Variants in BMF observed in about 807,000 individuals in gnomAD.
BMF encodes bcl-2-modifying factor.
BMF carries 10 observed loss-of-function variants against 22.0 expected under a neutral mutation model. The observed-to-expected ratio is 0.45, with a 90% CI of 0.28 to 0.77. The LOEUF (loss-of-function observed/expected upper bound fraction) is 0.77. Ranked by LOEUF, BMF falls within the 30% of genes least tolerant of loss-of-function variation. BMF has a pLI of 0.13. For missense variants in BMF, 206 were observed against 226.8 expected (o/e 0.91, Z 0.59); for synonymous variants, 87 against 88.1 (o/e 0.99, Z 0.07).
intron 4 of BMF, among the ~76,000 whole-genome samples, chr15:40,095,688 C>T (rs1453226934): frequency 6.6e-6 from 1 of 152,116 alleles, no homozygotes; most frequent in Non-Finnish European, 1.5e-5. Flanking sequence ...ACCCTAGAGC[C>T]CTCGGACTCA....
chr15:40,094,622 G>C (rs753512027), intron 4 of BMF, among the ~76,000 whole-genome samples: 2 of 152,196 alleles, frequency 1.3e-5, no homozygotes, highest in Non-Finnish European at 2.9e-5. Context: ...CACTAAGCCA[G>C]CTGAGGTGCT....
intron 4 of BMF, 59 bp downstream of exon 4, chr15:40,104,121 G>C (rs2036535521): frequency 6.3e-7 from 1 of 1,597,040 alleles, no homozygotes; most frequent in Non-Finnish European, 8.6e-7. Flanking sequence ...GAGAGAGGCA[G>C]GCCCTGGCCC....
At chr15:40,103,343 T>C (rs1048993114) in intron 4 of BMF, among the ~76,000 whole-genome samples, 84 of 152,144 alleles carry the variant, frequency 5.5e-4, no homozygotes, top group African/African-American at 2.0e-3. Context: ...CAGGCTCCTC[T>C]CCCAGCCTTG....
In BMF at chr15:40,104,197, G is replaced by A. The variant is rs375576342; in HGVS notation, c.436C>T (p.Arg146Trp). ...GTGCCTACTTGCTGCACATGAAGCC[G>A]GTGGAACTGGTCTGCAATGCACTGA... Reference protein sequence around the residue: ...KLQCIADQFHRLHVQQHQQNQ... With the variant: ...KLQCIADQFHWLHVQQHQQNQ... The change falls in exon 4 of 5, where the codon CGG becomes TGG. Residue 146 changes from arginine to tryptophan, a missense_variant. Arg to Trp is a moderately radical substitution (Grantham distance 101). Transcript: ENST00000354670. The A allele has an allele frequency of 7.4e-6, 12 of 1,614,048 alleles. No individual in the cohort carries two copies. The highest frequency in any genetic ancestry group is 3.3e-5 in the South Asian group (3 of 91,086).
Position 40,105,967 on chromosome 15 carries a change from C to T in BMF, c.120G>A (p.Leu40=). The change falls in exon 3 of 5, where the codon CTG becomes CTA. Residue 40 remains leucine (L), a synonymous_variant. Coordinates refer to ENST00000354670, the MANE Select transcript of BMF (RefSeq NM_001003940.2). ...LSADLFAQSL[L]DCPLSRLQLF... ...GCTGAAGTCGGCTGAGGGGGCAGTC[C>T]AGTAGGCTCTGGGCAAACAGGTCAG... 6.2e-7 allele frequency: 1 copy of T among 1,614,112 alleles called. No individual in the cohort carries two copies. Among genetic ancestry groups the T allele is most frequent in the Non-Finnish European group, 8.5e-7 (1 of 1,180,028 alleles).
chr15:40,091,536 C>T lies in BMF; in HGVS notation c.*251G>A. ...TTGTCAGAGCCCTTGGGAATTCTCA[C>T]CATCACAGACACATCAGCCTCTCCT... is the stretch of plus-strand genomic sequence containing the variant. On this transcript the variant is annotated 3_prime_UTR_variant, in exon 5 of 5. Transcript: ENST00000354670. 2.5e-6 allele frequency: 1 copy of T among 401,124 alleles called. No individual in the cohort carries two copies. The highest frequency in any genetic ancestry group is 3.7e-5 in the East Asian group (1 of 26,784). The allele number at this position is 401,124 out of a possible 1,614,324, so 24.8% of individuals were successfully genotyped here.
At chr15:40,105,053 C>T (rs2036557251) in intron 3 of BMF, among the ~76,000 whole-genome samples, 1 of 152,204 alleles carries the variant, frequency 6.6e-6, no homozygotes, top group Admixed American at 6.5e-5. Flanking sequence ...GCCAGAACTG[C>T]TTTGCCAGAA....
Position 40,091,654 on chromosome 15 carries a change from GA to G in BMF, c.*132del, listed in dbSNP as rs1009929404. 7.2e-6 allele frequency: 5 copies of G among 698,422 alleles called. No individual in the cohort carries two copies. The highest frequency in any genetic ancestry group is 9.7e-6 in the Non-Finnish European group (4 of 414,334). 43.3% of individuals were successfully genotyped at this position (698,422 alleles called of 1,614,324 possible). ...AGTATGTTGTATGTACACTCAGAGA[GA>G]AATTAAAAAAAATTAAAACACAAAA... On this transcript the variant is annotated 3_prime_UTR_variant, in exon 5 of 5. Coordinates refer to ENST00000354670, the MANE Select transcript of BMF (RefSeq NM_001003940.2).
chr15:40,091,777 C>T lies in BMF; in HGVS notation c.*10G>A, dbSNP rs1238916668. ...TTCCTGGTGCCCCATGTGAAGAGGG[C>T]AGCCCACCCTCACCTAGGGCCTGCC... On this transcript the variant is annotated 3_prime_UTR_variant, in exon 5 of 5. Coordinates refer to ENST00000354670, the MANE Select transcript of BMF (RefSeq NM_001003940.2). The T allele has an allele frequency of 1.3e-6, 2 of 1,594,470 alleles. No individual in the cohort carries two copies. The highest frequency in any genetic ancestry group is 1.7e-6 in the Non-Finnish European group (2 of 1,168,722).
At chr15:40,101,674 A>C (rs1026664657) in intron 4 of BMF, among the ~76,000 whole-genome samples, 7 of 152,226 alleles carry the variant, frequency 4.6e-5, no homozygotes, top group Non-Finnish European at 8.8e-5. Flanking sequence ...CCAGCTGCTG[A>C]AACGTTCCAG....
At position 40,106,541 on chromosome 15, in the gene BMF, CACACACACACAT is replaced by C. The variant is rs749363273; in HGVS notation, c.-5-462_-5-451del. 9,118 of 152,580 alleles carry C rather than the reference CACACACACACAT, an allele frequency of 0.06. 926 individuals are homozygous for C. The highest frequency in any genetic ancestry group is 0.21 in the African/African-American group (8,577 of 40,952). 9.5% of individuals were successfully genotyped at this position (152,580 alleles called of 1,614,324 possible). A position where few individuals can be genotyped will look rare whatever the true frequency, so the allele number is the denominator to read the frequency against. On this transcript the variant is annotated intron_variant, in intron 2 of 4. Coordinates refer to ENST00000354670, the MANE Select transcript of BMF (RefSeq NM_001003940.2). This position sits in a 1 kb window ranked among gnomAD's most constrained non-coding sequence, Gnocchi z 4.1. ...CAACACACACACACACACACACACA[CACACACACACAT>C]ACAGAGTCATTGTCCCAAGGAAATT...
intron 4 of BMF, among the ~76,000 whole-genome samples, chr15:40,093,656 C>A (rs1332204979): frequency 1.3e-5 from 2 of 152,184 alleles, no homozygotes; most frequent in Non-Finnish European, 2.9e-5. Flanking sequence ...CAGGAGCAGA[C>A]TCATCCCTGG....
At chr15:40,104,373 C>T in intron 3 of BMF, 33 bp from the exon 4 acceptor site, 1 of 1,610,792 alleles carries the variant, frequency 6.2e-7, no homozygotes, top group Non-Finnish European at 8.5e-7. Flanking sequence ...TCTCAGCATT[C>T]TCCACAACTG....
At chr15:40,099,571 G>A (rs1327210313) in intron 4 of BMF, among the ~76,000 whole-genome samples, 2 of 152,044 alleles carry the variant, frequency 1.3e-5, no homozygotes, top group Admixed American at 6.5e-5. Context: ...CTGAGGTCGC[G>A]AGTTCAAGAC....
Position 40,091,675 on chromosome 15 carries a change from A to G in BMF, c.*112T>C. On this transcript the variant is annotated 3_prime_UTR_variant, in exon 5 of 5. Transcript: ENST00000354670. ...GAGAGAAATTAAAAAAAATTAAAAC[A>G]CAAAATAACAACAAAAAAACAATTT... The G allele has an allele frequency of 1.2e-6, 1 of 808,244 alleles. No individual in the cohort carries two copies. Among genetic ancestry groups the G allele is most frequent in the Non-Finnish European group, 2.0e-6 (1 of 507,024 alleles). The allele number at this position is 808,244 out of a possible 1,614,324, so 50.1% of individuals were successfully genotyped here.
chr15:40,092,342 T>C (rs1426996280), intron 4 of BMF, among the ~76,000 whole-genome samples: 1 of 152,170 alleles, frequency 6.6e-6, no homozygotes, highest in African/African-American at 2.4e-5. Context: ...GGCCTCCATC[T>C]GCAAGTGATT....
chr15:40,102,153 G>T (rs2036488888), intron 4 of BMF, among the ~76,000 whole-genome samples: 1 of 152,202 alleles, frequency 6.6e-6, no homozygotes, highest in Admixed American at 6.5e-5. Context: ...GGCAAGGCAG[G>T]CGCAGTGGCT....
chr15:40,099,926 C>T (rs1301523063), intron 4 of BMF, among the ~76,000 whole-genome samples: 1 of 152,008 alleles, frequency 6.6e-6, no homozygotes, highest in Admixed American at 6.5e-5. Flanking sequence ...AAGATGGTTT[C>T]AACTGAGTGG....
rs2036186895 is a variant in BMF at position 40,089,151 on chromosome 15, C to A, written c.*2636G>T. 1 of 152,596 alleles carries A rather than the reference C, an allele frequency of 6.6e-6. No individual in the cohort carries two copies. Among genetic ancestry groups the A allele is most frequent in the African/African-American group, 2.4e-5 (1 of 41,474 alleles). The allele number at this position is 152,596 out of a possible 1,614,324, so 9.5% of individuals were successfully genotyped here. On this transcript the variant is annotated 3_prime_UTR_variant, in exon 5 of 5. Transcript: ENST00000354670. ...CCCTCCCTCTAAATCTGATTCTCCA[C>A]CCCTCGCTAGAGACAGCCAGGCTCC...
Sources: allele counts gnomAD v4.1 joint callset (sites outside exome capture counted in the v4.1 genomes callset), GRCh38; gene constraint gnomAD v4.1.1; non-coding constraint Gnocchi (gnomAD v3.1); transcripts MANE v1.5; gene names NCBI Gene and HGNC (gene_info 2026-07-23, HGNC 2026-07-21).